The following EPHA6 variants were observed in gnomAD, a reference collection of about 807,000 sequenced individuals.
EPHA6 encodes ephrin type-A receptor 6.
A neutral mutation model predicts 112.0 loss-of-function variants in EPHA6; 50 were observed. That is an observed-to-expected ratio of 0.45 (90% CI 0.36 to 0.56). The LOEUF (loss-of-function observed/expected upper bound fraction) is 0.56, where lower values mean the gene tolerates loss of function less well. EPHA6 is among the 20% of genes least tolerant of loss of function. The probability of loss-of-function intolerance (pLI) is 0.00; values close to 1 mark genes in which losing one functional copy is unlikely to be tolerated. For missense variants in EPHA6, 1,280 were observed against 1,417.4 expected (o/e 0.90, Z 1.56); for synonymous variants, 529 against 490.7 (o/e 1.08, Z -1.03).
At chr3:97,474,648 A>G (rs926123405) in intron 7 of EPHA6, among the ~76,000 whole-genome samples, 28 of 152,136 alleles carry the variant, frequency 1.8e-4, no homozygotes, top group African/African-American at 6.5e-4. Flanking sequence ...TAAATGATAT[A>G]TGTTAAAAGA....
At chr3:97,720,722 G>C (rs772821494) in intron 15 of EPHA6, among the ~76,000 whole-genome samples, 3 of 152,166 alleles carry the variant, frequency 2.0e-5, no homozygotes, top group Non-Finnish European at 4.4e-5. Context: ...AAAAGAAAGA[G>C]TAATGTTTAC....
intron 2 of EPHA6, among the ~76,000 whole-genome samples, chr3:96,883,555 G>T (rs1024014950): frequency 6.6e-6 from 1 of 152,092 alleles, no homozygotes; most frequent in African/African-American, 2.4e-5. Context: ...CAGGTCTTAG[G>T]TTTAAGTCCT....
At position 97,676,817 on chromosome 3, in the gene EPHA6, T is replaced by A. The variant is rs189092159; in HGVS notation, c.2784+38735T>A. 9.8e-5 allele frequency among the ~76,000 whole-genome samples: 15 copies of A among 152,320 alleles called. 1 individual carries two copies. In the South Asian group the frequency reaches 2.9e-3, roughly 29 times the overall value. On this transcript the variant is annotated intron_variant, in intron 14 of 17. Transcript: ENST00000389672. ...CCATTTTGTTGAAGGTCTCTTCAGA[T>A]AGCTTTTATTTTCTCCATCATGTTG...
chr3:96,834,083 A>G (rs2034253299), intron 1 of EPHA6, among the ~76,000 whole-genome samples: 1 of 152,056 alleles, frequency 6.6e-6, no homozygotes, highest in African/African-American at 2.4e-5. Flanking sequence ...CAAAAAAAGC[A>G]TCTCCCTTGA....
intron 8 of EPHA6, among the ~76,000 whole-genome samples, chr3:97,476,894 G>A (rs60229767): frequency 0.21 from 32,262 of 151,686 alleles, 5,536 homozygotes; most frequent in African/African-American, 0.46. Flanking sequence ...GAATTAAGAG[G>A]GAGTATTTGG....
At chr3:97,662,539 C>T (rs2094176811) in intron 14 of EPHA6, among the ~76,000 whole-genome samples, 1 of 152,114 alleles carries the variant, frequency 6.6e-6, no homozygotes, top group Admixed American at 6.5e-5. Flanking sequence ...CATCTCCCAG[C>T]TCAATTCATC....
chr3:96,886,487 A>C lies in EPHA6; in HGVS notation c.450+19598A>C, dbSNP rs115805824. Among the ~76,000 whole-genome samples the C allele has an allele frequency of 2.3e-3, 349 of 152,346 alleles. 3 individuals carry two copies. Among genetic ancestry groups the C allele is most frequent in the African/African-American group, 7.1e-3 (297 of 41,582 alleles). Reference sequence around the variant, plus strand: ...AAAGTTTGTTTTGTCTGATACAAAAATAACTACCCTTACTTGCTTCTGGTG... The same window carrying C: ...AAAGTTTGTTTTGTCTGATACAAAACTAACTACCCTTACTTGCTTCTGGTG... On this transcript the variant is annotated intron_variant, in intron 2 of 17. Coordinates refer to ENST00000389672, the MANE Select transcript of EPHA6 (RefSeq NM_001080448.3).
chr3:97,651,310 G>A (rs2094106031), intron 14 of EPHA6, among the ~76,000 whole-genome samples: 1 of 151,922 alleles, frequency 6.6e-6, no homozygotes, highest in Admixed American at 6.6e-5. Flanking sequence ...ATAGAAAGAA[G>A]CAAATGTAGC....
intron 1 of EPHA6, among the ~76,000 whole-genome samples, chr3:96,850,483 G>A (rs74705510): frequency 0.018 from 2,752 of 152,196 alleles, 74 homozygotes; most frequent in African/African-American, 0.05. Context: ...ACGTGAGGAA[G>A]AAGTTGAAAA....
intron 3 of EPHA6, among the ~76,000 whole-genome samples, chr3:97,142,164 A>G (rs2075924470): frequency 6.6e-6 from 1 of 152,014 alleles, no homozygotes; most frequent in Admixed American, 6.6e-5. Flanking sequence ...ACAGTTGTTG[A>G]TCAAAGATTC....
chr3:97,004,343 G>T (rs1296496018), intron 3 of EPHA6, among the ~76,000 whole-genome samples: 3 of 152,094 alleles, frequency 2.0e-5, no homozygotes, highest in Non-Finnish European at 4.4e-5. Flanking sequence ...ATTCTGACTG[G>T]CATGATAAGG....
chr3:97,111,753 T>C (rs2047730580), intron 3 of EPHA6, among the ~76,000 whole-genome samples: 1 of 152,102 alleles, frequency 6.6e-6, no homozygotes. Context: ...TTTGTGATAT[T>C]TACATAAATT....
chr3:97,000,369 T>TTA (rs148337209), intron 3 of EPHA6, among the ~76,000 whole-genome samples: 8,996 of 150,268 alleles, frequency 0.06, 287 homozygotes, highest in Middle Eastern at 0.11. Context: ...TTTATATATT[T>TTA]TATATATATA....
intron 3 of EPHA6, among the ~76,000 whole-genome samples, chr3:97,221,308 C>CAAAA (rs57025573): frequency 3.0e-4 from 5 of 16,402 alleles, no homozygotes; most frequent in Admixed American, 8.1e-4. Flanking sequence ...GACTCTGTCT[C>CAAAA]AAAAAAAAAA....
chr3:97,613,815 GGGGATAGT>G (rs1160231644), intron 13 of EPHA6, among the ~76,000 whole-genome samples: 3 of 152,120 alleles, frequency 2.0e-5, no homozygotes, highest in African/African-American at 7.2e-5. Flanking sequence ...AAGCCCATTT[GGGGATAGT>G]GGTCAAGGTT....
At chr3:97,562,572 G>A (rs760000671) in intron 11 of EPHA6, among the ~76,000 whole-genome samples, 4 of 152,170 alleles carry the variant, frequency 2.6e-5, no homozygotes, top group Admixed American at 2.0e-4. Context: ...GTGGTTTCTT[G>A]AGGATGAAAT....
intron 3 of EPHA6, among the ~76,000 whole-genome samples, chr3:97,039,552 T>C (rs1248651767): frequency 6.6e-6 from 1 of 152,054 alleles, no homozygotes; most frequent in African/African-American, 2.4e-5. Flanking sequence ...TGGAACTTTT[T>C]TTTTTAATTG....
chr3:97,280,464 C>T (rs1015298474), intron 5 of EPHA6, among the ~76,000 whole-genome samples: 2 of 152,096 alleles, frequency 1.3e-5, no homozygotes, highest in Admixed American at 6.5e-5. Context: ...ACATAAGACT[C>T]ACTAATAATT....
intron 5 of EPHA6, among the ~76,000 whole-genome samples, chr3:97,394,852 T>A (rs1353984489): frequency 6.6e-6 from 1 of 151,846 alleles, no homozygotes; most frequent in Non-Finnish European, 1.5e-5. Context: ...ACAGCCATTA[T>A]GGAAAGCTGT....
Sources: gnomAD v4.1 joint callset for allele counts (sites outside exome capture counted in the v4.1 genomes callset) on GRCh38, gnomAD v4.1.1 for gene constraint, MANE v1.5 for transcripts, NCBI Gene and HGNC (gene_info 2026-07-23, HGNC 2026-07-21) for gene names.